Variants in CFAP53 observed in about 807,000 individuals in gnomAD.
The protein encoded by CFAP53 is cilia- and flagella-associated protein 53.
In CFAP53, 62 loss-of-function variants were observed where a neutral mutation model predicts 59.7. That is an observed-to-expected ratio of 1.04 (90% confidence interval 0.85 to 1.28). CFAP53 has a LOEUF of 1.28. Ranked by LOEUF, CFAP53 falls within the 50% of genes most tolerant of loss-of-function variation. The pLI is 0.00. For synonymous variants in CFAP53, 218 were observed against 205.7 expected, an observed-to-expected ratio of 1.06 and a Z score of -0.51; for missense variants, 629 against 615.6, an observed-to-expected ratio of 1.02 and a Z score of -0.23.
At chr18:50,243,181 T>A (rs2033709550) in intron 5 of CFAP53, 65 bp from the exon 6 acceptor site, 6 of 1,041,760 alleles carry the variant, frequency 5.8e-6, no homozygotes, top group Non-Finnish European at 8.7e-6. Flanking sequence ...AGGATACATT[T>A]AAAAAAAATC....
At chr18:50,233,659 T>C (rs1334587090) in intron 7 of CFAP53, among the ~76,000 whole-genome samples, 1 of 152,258 alleles carries the variant, frequency 6.6e-6, no homozygotes, top group Non-Finnish European at 1.5e-5. Flanking sequence ...TTGTTTTTAT[T>C]CTATCACGGC....
At chr18:50,244,371 C>T (rs768750311) in intron 5 of CFAP53, among the ~76,000 whole-genome samples, 29 of 152,230 alleles carry the variant, frequency 1.9e-4, no homozygotes, top group African/African-American at 2.9e-4. Context: ...TCCCTCCTGT[C>T]GCCAAGTAAG....
intron 5 of CFAP53, 91 bp from the exon 6 acceptor site, chr18:50,243,207 C>T (rs1190512198): frequency 1.2e-6 from 1 of 862,960 alleles, no homozygotes; most frequent in South Asian, 1.6e-5. Flanking sequence ...AAGCTCCAAT[C>T]CCAATCTTTT....
In CFAP53 at chr18:50,262,062, T is replaced by C. The variant is rs779257356; in HGVS notation, c.227A>G (p.Asp76Gly). Residue 76 changes from aspartate (D) to glycine (G), a missense_variant, in exon 2 of 8, where the codon GAC becomes GGC. Physicochemically the swap from Asp to Gly is moderately conservative, Grantham distance 94. Transcript: ENST00000398545. ...CTTGATTCTTGCTCGCACAAGGCTG[T>C]CCAAAATCTTGCAGTCATTGTGCTG... is the stretch of plus-strand genomic sequence containing the variant. Reference protein sequence around the residue: ...WDQHNDCKILDSLVRARIKDA... With the variant: ...WDQHNDCKILGSLVRARIKDA... The C allele has an allele frequency of 8.7e-6, 14 of 1,614,112 alleles. No homozygotes were observed. Among genetic ancestry groups the C allele is most frequent in the Non-Finnish European group, 1.1e-5 (13 of 1,180,056 alleles).
intron 5 of CFAP53, among the ~76,000 whole-genome samples, chr18:50,246,126 G>C (rs1254377067): frequency 6.6e-6 from 1 of 152,144 alleles, no homozygotes; most frequent in Non-Finnish European, 1.5e-5. Flanking sequence ...CTGACCTCAG[G>C]TGATCCTCCT....
At chr18:50,239,056 T>C (rs973661370) in intron 6 of CFAP53, among the ~76,000 whole-genome samples, 1 of 148,282 alleles carries the variant, frequency 6.7e-6, no homozygotes, top group South Asian at 2.1e-4. Flanking sequence ...ATTTATTATT[T>C]ATTATATATT....
chr18:50,232,370 G>A (rs892128068), intron 7 of CFAP53, among the ~76,000 whole-genome samples: 5 of 152,210 alleles, frequency 3.3e-5, no homozygotes, highest in Admixed American at 3.3e-4. Flanking sequence ...AGCAGAATAA[G>A]GAGGACAGGG....
rs1283269064 is a variant in CFAP53, at chr18:50,261,070, T to A, written c.467A>T (p.Gln156Leu). The A allele has an allele frequency of 6.3e-7, 1 of 1,593,828 alleles. No homozygotes were observed. The highest frequency in any genetic ancestry group is 2.2e-5 in the East Asian group (1 of 44,596). Residue 156 changes from glutamine (Q) to leucine (L), a missense_variant, in exon 3 of 8, where the codon CAA becomes CTA. Gln to Leu is a moderately radical substitution (Grantham distance 113). Transcript: ENST00000398545. ...TGTTTTCTGATTTCATTACCTGAAT[T>A]GCTGGTCTAGCTTTTCAGCCACAAA... ...QDFVAEKLDQ[Q>L]FRERCEELRV...
Position 50,227,395 on chromosome 18 carries a change from T to A in CFAP53, c.1531A>T (p.Lys511Ter). The A allele has an allele frequency of 6.2e-7, 1 of 1,612,644 alleles. No homozygotes were observed. Among genetic ancestry groups the A allele is most frequent in the Non-Finnish European group, 8.5e-7 (1 of 1,178,698 alleles). ...TGCTCACGGAACTACGGTGGAAGCTTACTGGGGCATGCCTTGCGCATGGGA... is the reference window on the plus strand; with the variant it reads ...TGCTCACGGAACTACGGTGGAAGCTAACTGGGGCATGCCTTGCGCATGGGA... Reference protein sequence around the residue: ...IHPMRKACPSKLPP With the variant: ...IHPMRKACPS The change falls in exon 8 of 8, where the codon AAG (lysine) becomes TAG (stop). Residue 511 changes from lysine (K) to a stop codon, truncating the protein, a stop_gained. Transcript: ENST00000398545. LOFTEE classifies it high-confidence loss of function.
intron 3 of CFAP53, among the ~76,000 whole-genome samples, chr18:50,253,592 T>C (rs2033821160): frequency 6.6e-6 from 1 of 152,238 alleles, no homozygotes. Context: ...TTAACACATA[T>C]GAACTCTTGT....
At chr18:50,251,862 C>G in intron 3 of CFAP53, 78 bp from the exon 4 acceptor site, 5 of 1,268,876 alleles carry the variant, frequency 3.9e-6, no homozygotes, top group Non-Finnish European at 5.5e-6. Context: ...TCTGTACAAT[C>G]ACACAATGAA....
intron 3 of CFAP53, among the ~76,000 whole-genome samples, chr18:50,259,611 T>C (rs2144433467): frequency 6.6e-6 from 1 of 152,296 alleles, no homozygotes. Flanking sequence ...TTTTTGTATT[T>C]TTAGTAGAGT....
chr18:50,248,094 T>C (rs971501516), intron 5 of CFAP53, among the ~76,000 whole-genome samples: 1 of 143,312 alleles, frequency 7.0e-6, no homozygotes, highest in African/African-American at 2.6e-5. Flanking sequence ...TACTCCAGCC[T>C]AAGTGACAGA....
chr18:50,244,922 G>T (rs1208354073), intron 5 of CFAP53, among the ~76,000 whole-genome samples: 2 of 151,746 alleles, frequency 1.3e-5, no homozygotes, highest in Non-Finnish European at 2.9e-5. Context: ...AATTAGCTGG[G>T]TGTGGTGGCA....
Position 50,227,503 on chromosome 18 carries a change from C to T in CFAP53, c.1423G>A (p.Ala475Thr). ...CACATCTTGTTTGCTGCTACACCTG[C>T]TTCAAACTCTCGGCGTTTCTCTTCC... ...EKEEKRREFE[A>T]GVAANKMCLD... is the part of the protein sequence containing the mutation. Residue 475 changes from alanine (A) to threonine (T), a missense_variant, in exon 8 of 8, where the codon GCA (alanine) becomes ACA (threonine). Coordinates refer to ENST00000398545, the MANE Select transcript of CFAP53 (RefSeq NM_145020.5). 4 of 1,614,194 alleles carry T rather than the reference C, an allele frequency of 2.5e-6. No individual in the cohort carries two copies. The highest frequency in any genetic ancestry group is 3.4e-6 in the Non-Finnish European group (4 of 1,180,034).
intron 3 of CFAP53, among the ~76,000 whole-genome samples, chr18:50,253,572 T>C (rs1039358137): frequency 6.6e-6 from 1 of 152,252 alleles, no homozygotes; most frequent in African/African-American, 2.4e-5. Flanking sequence ...CAGACACTAT[T>C]CTAAGCACTT....
intron 1 of CFAP53, among the ~76,000 whole-genome samples, chr18:50,264,167 G>A (rs1256535419): frequency 6.6e-6 from 1 of 152,172 alleles, no homozygotes; most frequent in East Asian, 1.9e-4. Context: ...CATTTCAAGT[G>A]CTCAAATGCT....
At chr18:50,244,357 T>G (rs1486792237) in intron 5 of CFAP53, among the ~76,000 whole-genome samples, 3 of 152,088 alleles carry the variant, frequency 2.0e-5, no homozygotes, top group African/African-American at 7.2e-5. Flanking sequence ...CTTTCTTCAT[T>G]CCCTCCCTCC....
intron 3 of CFAP53, among the ~76,000 whole-genome samples, chr18:50,254,429 C>A (rs553039001): frequency 1.3e-5 from 2 of 152,060 alleles, no homozygotes; most frequent in Non-Finnish European, 2.9e-5. Flanking sequence ...TATCACAGCA[C>A]GCCTATTAGA....
Sources: allele counts gnomAD v4.1 joint callset (sites outside exome capture counted in the v4.1 genomes callset), GRCh38; gene constraint gnomAD v4.1.1; transcripts MANE v1.5; gene names NCBI Gene and HGNC (gene_info 2026-07-23, HGNC 2026-07-21).